Variants in ZMYM2 observed in about 807,000 individuals in gnomAD.
ZMYM2 encodes zinc finger MYM-type containing 2, also known as zinc finger MYM-type protein 2.
Under a neutral mutation model 162.8 loss-of-function variants are expected in ZMYM2, and 56 were observed. That is an observed-to-expected ratio of 0.34 (90% CI 0.28 to 0.43). The LOEUF (loss-of-function observed/expected upper bound fraction) is 0.43, where lower values mean the gene tolerates loss of function less well. Among genes scored for constraint, ZMYM2 ranks in the 20% least tolerant of loss-of-function variants. The probability of loss-of-function intolerance (pLI) is 1.00; values close to 1 mark genes in which losing one functional copy is unlikely to be tolerated. For missense variants in ZMYM2, 1,275 were observed against 1,621.8 expected (o/e 0.79, Z 3.67); for synonymous variants, 510 against 541.6 (o/e 0.94, Z 0.81).
At chr13:20,011,112 G>C (rs964196517) in intron 6 of ZMYM2, among the ~76,000 whole-genome samples, 1 of 152,076 alleles carries the variant, frequency 6.6e-6, no homozygotes, top group African/African-American at 2.4e-5. Flanking sequence ...TTAGCCTTTT[G>C]AATCTATCCA....
intron 21 of ZMYM2, among the ~76,000 whole-genome samples, chr13:20,068,604 G>A (rs1956853514): frequency 1.3e-5 from 2 of 152,100 alleles, no homozygotes; most frequent in African/African-American, 4.8e-5. Context: ...ATCCATGTGT[G>A]TATTTTCCCT....
intron 2 of ZMYM2, among the ~76,000 whole-genome samples, chr13:19,990,820 G>A (rs190290295): frequency 6.6e-6 from 1 of 152,186 alleles, no homozygotes; most frequent in Non-Finnish European, 1.5e-5. Flanking sequence ...CCAAACCACT[G>A]TATATAAGCC....
intron 14 of ZMYM2, among the ~76,000 whole-genome samples, chr13:20,057,663 C>T (rs1399751369): frequency 6.6e-6 from 1 of 152,126 alleles, no homozygotes; most frequent in Non-Finnish European, 1.5e-5. Flanking sequence ...GTGTATTACA[C>T]AAATATTCTC....
At chr13:20,011,161 G>A (rs138994605) in intron 6 of ZMYM2, among the ~76,000 whole-genome samples, 1 of 152,006 alleles carries the variant, frequency 6.6e-6, no homozygotes, top group African/African-American at 2.4e-5. Flanking sequence ...TAGTGCTATG[G>A]AACAATAGAA....
At chr13:19,930,246 C>T in the ZMYM2 span, among the ~76,000 whole-genome samples, 13 of 151,972 alleles carry the variant, frequency 8.6e-5, no homozygotes, top group Non-Finnish European at 1.9e-4. Flanking sequence ...ACTAAAAATA[C>T]AAGAATTAGC....
chr13:20,034,074 G>C (rs1282667378), intron 10 of ZMYM2, among the ~76,000 whole-genome samples, 180 bp from the exon 11 acceptor site: 2 of 152,136 alleles, frequency 1.3e-5, no homozygotes, highest in Non-Finnish European at 2.9e-5. Flanking sequence ...ATTTTGTGGA[G>C]CTATGTTTAA....
At chr13:19,999,828 C>G (rs918988202) in intron 3 of ZMYM2, among the ~76,000 whole-genome samples, 1 of 152,170 alleles carries the variant, frequency 6.6e-6, no homozygotes, top group Non-Finnish European at 1.5e-5. Flanking sequence ...GAGACAGAGT[C>G]TCACTCTTAC....
At chr13:19,958,912 C>T (rs1427685020) in intron 1 of ZMYM2, 71 bp downstream of exon 1, 1 of 152,694 alleles carries the variant, frequency 6.5e-6, no homozygotes, top group Admixed American at 6.5e-5. Flanking sequence ...GCAGCGCAGC[C>T]TCCGGAGGAG....
the ZMYM2 span, among the ~76,000 whole-genome samples, chr13:19,883,665 A>C: frequency 2.6e-5 from 4 of 152,166 alleles, no homozygotes; most frequent in African/African-American, 7.2e-5. Context: ...GTGCTTTACT[A>C]TGTGCTGAAG....
chr13:19,934,400 T>C, the ZMYM2 span, among the ~76,000 whole-genome samples: 1 of 152,150 alleles, frequency 6.6e-6, no homozygotes, highest in Non-Finnish European at 1.5e-5. Flanking sequence ...CCTTGTGATT[T>C]GCCCACCTCG....
chr13:20,019,074 C>A (rs1249432084), intron 6 of ZMYM2, among the ~76,000 whole-genome samples: 1 of 136,152 alleles, frequency 7.3e-6, no homozygotes, highest in South Asian at 2.5e-4. Context: ...AGCAAAAACT[C>A]CATCTCAAAA....
At chr13:20,044,865 C>T (rs1954611343) in intron 12 of ZMYM2, among the ~76,000 whole-genome samples, 1 of 151,802 alleles carries the variant, frequency 6.6e-6, no homozygotes, top group African/African-American at 2.4e-5. Context: ...GCCTGGCCAA[C>T]ATGGTAAAAC....
chr13:19,958,365 T>G (rs1338285857), upstream of ZMYM2, among the ~76,000 whole-genome samples: 1 of 151,610 alleles, frequency 6.6e-6, no homozygotes, highest in Non-Finnish European at 1.5e-5. Flanking sequence ...TCTCCCGGGC[T>G]GTGTAGGTCC....
intron 21 of ZMYM2, among the ~76,000 whole-genome samples, chr13:20,080,290 G>C (rs1957821743): frequency 6.6e-6 from 1 of 152,140 alleles, no homozygotes; most frequent in African/African-American, 2.4e-5. Context: ...GAATTTTGCT[G>C]ACTAATATTC....
At chr13:19,920,661 GC>G in the ZMYM2 span, among the ~76,000 whole-genome samples, 10 of 151,964 alleles carry the variant, frequency 6.6e-5, no homozygotes, top group Non-Finnish European at 1.2e-4. Flanking sequence ...AAGACCACAT[GC>G]CTAGGGAAAG....
At chr13:20,078,852 A>G (rs530508005) in intron 21 of ZMYM2, among the ~76,000 whole-genome samples, 71 of 152,274 alleles carry the variant, frequency 4.7e-4, no homozygotes, top group African/African-American at 1.6e-3. Flanking sequence ...TGTGGCTACT[A>G]GAATAAAGTT....
the ZMYM2 span, among the ~76,000 whole-genome samples, chr13:19,896,611 G>T: frequency 6.6e-6 from 1 of 150,894 alleles, no homozygotes; most frequent in African/African-American, 2.5e-5. Flanking sequence ...GAAAAAATTA[G>T]CTGGGCGTGG....
chr13:19,975,578 C>T (rs1468580942), intron 2 of ZMYM2, among the ~76,000 whole-genome samples: 2 of 152,208 alleles, frequency 1.3e-5, no homozygotes, highest in Non-Finnish European at 2.9e-5. Flanking sequence ...CTCTGTTGGA[C>T]ACTTAGGTTG....
At chr13:20,029,659 C>G (rs891414616) in intron 9 of ZMYM2, among the ~76,000 whole-genome samples, 1 of 152,032 alleles carries the variant, frequency 6.6e-6, no homozygotes, top group Non-Finnish European at 1.5e-5. Flanking sequence ...TTAACCGTTT[C>G]ATGCATTAAG....
Sources: allele counts gnomAD v4.1 joint callset (sites outside exome capture counted in the v4.1 genomes callset), GRCh38; gene constraint gnomAD v4.1.1; transcripts MANE v1.5; gene names NCBI Gene and HGNC (gene_info 2026-07-23, HGNC 2026-07-21).